Variants in ANKHD1 observed in about 807,000 individuals in gnomAD.
ANKHD1 encodes the protein ankyrin repeat and KH domain containing 1.
In ANKHD1, 31 loss-of-function variants were observed where a neutral mutation model predicts 230.5. That is an observed-to-expected ratio of 0.13 (90% CI 0.10 to 0.18). The LOEUF is 0.18. ANKHD1 is among the 10% of genes least tolerant of loss of function. The pLI is 1.00. For synonymous variants in ANKHD1, 1,074 were observed against 1,117.6 expected (o/e 0.96, Z 0.78); for missense variants, 2,256 against 3,071.3 (o/e 0.73, Z 6.27).
Position 140,485,938 on chromosome 5 carries a change from T to C in ANKHD1, c.2142+206T>C. 1 of 680,514 alleles carries C rather than the reference T, an allele frequency of 1.5e-6. No homozygotes were observed. Among genetic ancestry groups the C allele is most frequent in the Non-Finnish European group, 2.3e-6 (1 of 442,704 alleles). The allele number at this position is 680,514 out of a possible 1,614,324, so 42.2% of individuals were successfully genotyped here. On this transcript the variant is annotated intron_variant, in intron 13 of 33. Transcript: ENST00000360839. The surrounding 1 kb of genome is among the most constrained non-coding windows in gnomAD (Gnocchi z 4.8). Reference sequence around the variant, plus strand: ...TGCCTTATTTATTGAGAATAGTGGTTTTTAAAAACCACTTAATATCAAATA... The same window carrying C: ...TGCCTTATTTATTGAGAATAGTGGTCTTTAAAAACCACTTAATATCAAATA...
chr5:140,512,650 T>C (rs896537986), intron 22 of ANKHD1, among the ~76,000 whole-genome samples, 178 bp from the exon 23 acceptor site: 1 of 152,218 alleles, frequency 6.6e-6, no homozygotes. Flanking sequence ...TTTATAATTT[T>C]AATTTTAAGC....
chr5:140,463,227 G>T (rs1775847716), intron 9 of ANKHD1, among the ~76,000 whole-genome samples: 1 of 151,978 alleles, frequency 6.6e-6, no homozygotes, highest in Non-Finnish European at 1.5e-5. Context: ...CTTCATCACG[G>T]TCATTCTTTG....
intron 1 of ANKHD1, among the ~76,000 whole-genome samples, chr5:140,415,432 G>A (rs1338247955): frequency 6.7e-6 from 1 of 149,162 alleles, no homozygotes; most frequent in East Asian, 2.0e-4. Flanking sequence ...TTACGCCTTT[G>A]ATACCTCTTT....
At chr5:140,505,289 T>G (rs1473197944) in intron 17 of ANKHD1, 56 bp downstream of exon 17, 3 of 1,550,964 alleles carry the variant, frequency 1.9e-6, no homozygotes, top group Non-Finnish European at 2.6e-6. Flanking sequence ...AATAATTAAC[T>G]TTTTTATTAT....
At position 140,415,132 on chromosome 5, in the gene ANKHD1, C is replaced by T. The variant is rs370678767; in HGVS notation, c.306+12859C>T. ...GGCGTGGTGGTTCACACCTATAATC[C>T]CAGCGCTTTGGGGGGCCGAGGCGGG... On this transcript the variant is annotated intron_variant, in intron 1 of 33. Transcript: ENST00000360839. Among the ~76,000 whole-genome samples, 37 of 151,998 alleles carry T rather than the reference C, an allele frequency of 2.4e-4. No individual in the cohort carries two copies. In the East Asian group the frequency reaches 6.4e-3, roughly 26 times the overall value.
chr5:140,427,543 G>A (rs1346874789), intron 1 of ANKHD1, among the ~76,000 whole-genome samples: 8 of 143,116 alleles, frequency 5.6e-5, no homozygotes, highest in East Asian at 4.3e-4. Flanking sequence ...CTGGCCGGGC[G>A]GGGGGCTGAC....
chr5:140,499,389 T>C (rs1241376380), intron 15 of ANKHD1, among the ~76,000 whole-genome samples: 1 of 152,090 alleles, frequency 6.6e-6, no homozygotes. Flanking sequence ...TTTACTTAAC[T>C]CTAGTTCTTA....
At chr5:140,467,739 A>G (rs1776192311) in intron 10 of ANKHD1, among the ~76,000 whole-genome samples, 1 of 152,216 alleles carries the variant, frequency 6.6e-6, no homozygotes, top group South Asian at 2.1e-4. Flanking sequence ...TTCAGGCTTT[A>G]TTGTAGGCCA....
chr5:140,459,429 C>T (rs1775541275), intron 9 of ANKHD1, 74 bp downstream of exon 9: 2 of 1,428,910 alleles, frequency 1.4e-6, no homozygotes, highest in African/African-American at 1.4e-5. Context: ...AATCTAAAAA[C>T]GTTGAGCTCC....
At chr5:140,443,472 C>T (rs1333480989) in intron 5 of ANKHD1, among the ~76,000 whole-genome samples, 3 of 151,696 alleles carry the variant, frequency 2.0e-5, no homozygotes, top group Non-Finnish European at 4.4e-5. Context: ...GGGAGGATCA[C>T]GAGGTCAGGA....
rs1206148260 is a variant in ANKHD1 at position 140,485,673 on chromosome 5, C to A, written c.2083C>A (p.Leu695Met). The stretch of plus-strand genomic sequence containing the variant: ...TCTGTTGGATTATCCAAATAATGTT[C>A]TGTCAGTTCCCACCACAGATGTGTC... ...SYLLDYPNNVLSVPTTDVSQL... is the reference protein window; with the variant it reads ...SYLLDYPNNVMSVPTTDVSQL... Residue 695 changes from leucine (L) to methionine (M), a missense_variant, in exon 13 of 34, where the codon CTG (leucine) becomes ATG (methionine). Leu to Met is a conservative substitution (Grantham distance 15, BLOSUM62 2). Around this residue, in one of 13 missense-constraint regions of ANKHD1, gnomAD observed 23 missense variants for 51.8 expected, o/e 0.44. Coordinates refer to ENST00000360839, the MANE Select transcript of ANKHD1 (RefSeq NM_017747.3). The surrounding 1 kb of genome is among the most constrained non-coding windows in gnomAD (Gnocchi z 4.8). The A allele has an allele frequency of 6.2e-7, 1 of 1,613,998 alleles. No individual in the cohort carries two copies. The highest frequency in any genetic ancestry group is 8.5e-7 in the Non-Finnish European group (1 of 1,179,952).
chr5:140,452,043 A>G lies in ANKHD1; in HGVS notation c.1242+2738A>G, dbSNP rs374020635. Among the ~76,000 whole-genome samples, 48 of 152,190 alleles carry G rather than the reference A, an allele frequency of 3.2e-4. No homozygotes were observed. In the South Asian group the frequency reaches 3.3e-3, roughly 11 times the overall value. ...TGAGACGGGTGATTTCTGCATTTCC[A>G]ACTGAGCATACGGCACACCAGGAGA... On this transcript the variant is annotated intron_variant, in intron 7 of 33. Coordinates refer to ENST00000360839, the MANE Select transcript of ANKHD1 (RefSeq NM_017747.3).
chr5:140,430,746 C>T (rs1454170178), intron 1 of ANKHD1, among the ~76,000 whole-genome samples: 1 of 151,120 alleles, frequency 6.6e-6, no homozygotes, highest in Non-Finnish European at 1.5e-5. Context: ...GCAGCCTCAA[C>T]CTCCTGGGCT....
chr5:140,466,763 T>G (rs755170780), intron 10 of ANKHD1, among the ~76,000 whole-genome samples: 1 of 152,122 alleles, frequency 6.6e-6, no homozygotes, highest in Non-Finnish European at 1.5e-5. Flanking sequence ...CTGGCCAACA[T>G]GGTGAAACCT....
chr5:140,413,299 T>C (rs1771088229), intron 1 of ANKHD1, among the ~76,000 whole-genome samples: 1 of 152,202 alleles, frequency 6.6e-6, no homozygotes, highest in Non-Finnish European at 1.5e-5. Context: ...TGTTTTAAAA[T>C]TGTGGTAGAA....
At chr5:140,524,512 A>C (rs1753512457) in intron 25 of ANKHD1, among the ~76,000 whole-genome samples, 1 of 152,238 alleles carries the variant, frequency 6.6e-6, no homozygotes, top group Non-Finnish European at 1.5e-5. Context: ...AAAGCAATAC[A>C]GTGAGAAGTT....
At chr5:140,519,680 G>A (rs1175840803) in intron 24 of ANKHD1, among the ~76,000 whole-genome samples, 1 of 152,146 alleles carries the variant, frequency 6.6e-6, no homozygotes, top group Non-Finnish European at 1.5e-5. Context: ...AATGGGGAAA[G>A]GATTCCCTAT....
intron 3 of ANKHD1, among the ~76,000 whole-genome samples, chr5:140,439,438 G>A (rs1407655570): frequency 6.6e-6 from 1 of 152,172 alleles, no homozygotes; most frequent in Non-Finnish European, 1.5e-5. Context: ...GGGAGGCCAA[G>A]GTAGGTGGAT....
chr5:140,445,732 T>G lies in ANKHD1; in HGVS notation c.914-10T>G. The G allele has an allele frequency of 6.4e-7, 1 of 1,561,406 alleles. No individual in the cohort carries two copies. Among genetic ancestry groups the G allele is most frequent in the Non-Finnish European group, 8.7e-7 (1 of 1,152,400 alleles). ...TGCTCATGTATTATATTTCTTCTTC[T>G]TCTTTTTAGGAAACACTGCGCTAAC... On this transcript the variant is annotated splice_polypyrimidine_tract_variant and intron_variant, in intron 5 of 33. Coordinates refer to ENST00000360839, the MANE Select transcript of ANKHD1 (RefSeq NM_017747.3).
Sources: allele counts gnomAD v4.1 joint callset (sites outside exome capture counted in the v4.1 genomes callset), GRCh38; gene constraint gnomAD v4.1.1; regional missense constraint gnomAD v4.1.1; non-coding constraint Gnocchi (gnomAD v3.1); transcripts MANE v1.5; gene names NCBI Gene and HGNC (gene_info 2026-07-23, HGNC 2026-07-21).